The following CSMD3 variants were observed in gnomAD, a reference collection of about 807,000 sequenced individuals.
CSMD3 encodes CUB and Sushi multiple domains 3, also known as CUB and sushi domain-containing protein 3.
In CSMD3, 177 loss-of-function variants were observed where a neutral mutation model predicts 435.2. The observed-to-expected ratio is 0.41, with a 90% CI of 0.36 to 0.46. The LOEUF is 0.46. Ranked by LOEUF, CSMD3 falls within the 20% of genes least tolerant of loss-of-function variation. CSMD3 has a pLI of 0.34. For synonymous variants in CSMD3, 1,656 were observed against 1,520.5 expected (o/e 1.09, Z -2.07); for missense variants, 4,265 against 4,504.6 (o/e 0.95, Z 1.52).
chr8:112,540,372 G>C (rs867609252), intron 27 of CSMD3, among the ~76,000 whole-genome samples: 1 of 151,984 alleles, frequency 6.6e-6, no homozygotes, highest in Non-Finnish European at 1.5e-5. Flanking sequence ...AAATAGTATG[G>C]AGTTTCCCTT....
chr8:112,685,644 G>C lies in CSMD3; in HGVS notation c.2244C>G (p.Ile748Met), dbSNP rs2131805249. Residue 748 changes from isoleucine to methionine, a missense_variant, in exon 15 of 71, where the codon ATC becomes ATG. Coordinates refer to ENST00000297405, the MANE Select transcript of CSMD3 (RefSeq NM_198123.2). ...TCCCTGGATCAGAGATTATCGTCCA[G>C]ATGCAATTTAAATTATTTCCATACC... ...PEGYGNNLNC[I>M]WTIISDPGSR... 6.2e-7 allele frequency: 1 copy of C among 1,613,514 alleles called. No homozygotes were observed. The highest frequency in any genetic ancestry group is 8.5e-7 in the Non-Finnish European group (1 of 1,179,484).
chr8:113,179,589 T>A (rs1465981599), intron 3 of CSMD3, among the ~76,000 whole-genome samples: 1 of 151,828 alleles, frequency 6.6e-6, no homozygotes, highest in African/African-American at 2.4e-5. Flanking sequence ...CATTCTTTTG[T>A]CTATTATTTG....
chr8:113,346,537 A>T (rs1232704577), intron 1 of CSMD3, among the ~76,000 whole-genome samples: 1 of 152,118 alleles, frequency 6.6e-6, no homozygotes, highest in African/African-American at 2.4e-5. Context: ...AAAAAATGGA[A>T]CTTTGTATAT....
chr8:113,392,957 ATGTG>A (rs10562507), intron 1 of CSMD3, among the ~76,000 whole-genome samples: 432 of 20,936 alleles, frequency 0.021, 1 homozygote, highest in East Asian at 0.068. Flanking sequence ...ATATATATAT[ATGTG>A]TGTGTGTGTG....
At chr8:113,314,919 G>C (rs536397033) in intron 1 of CSMD3, 126 bp from the exon 2 acceptor site, 2 of 651,290 alleles carry the variant, frequency 3.1e-6, no homozygotes, top group Admixed American at 5.4e-5. Context: ...ATAAATGGCA[G>C]TTTAAGAGCT....
At chr8:112,619,301 T>C (rs1833888489) in intron 22 of CSMD3, among the ~76,000 whole-genome samples, 3 of 151,840 alleles carry the variant, frequency 2.0e-5, no homozygotes, top group South Asian at 4.2e-4. Flanking sequence ...TATCATACTG[T>C]ACCTCTCCTG....
At chr8:112,601,854 G>A (rs1178041692) in intron 22 of CSMD3, among the ~76,000 whole-genome samples, 8 of 152,030 alleles carry the variant, frequency 5.3e-5, no homozygotes, top group East Asian at 3.9e-4. Context: ...TGCTCTCTAC[G>A]ATGAGTTAAT....
chr8:113,123,924 T>C (rs530867150), intron 4 of CSMD3, among the ~76,000 whole-genome samples: 3 of 152,088 alleles, frequency 2.0e-5, no homozygotes, highest in Admixed American at 6.6e-5. Flanking sequence ...AAAAATCTAC[T>C]AATCTACTAC....
At chr8:112,825,552 T>C (rs989302891) in intron 12 of CSMD3, among the ~76,000 whole-genome samples, 1 of 152,166 alleles carries the variant, frequency 6.6e-6, no homozygotes, top group African/African-American at 2.4e-5. Context: ...TGTTCCTTTC[T>C]GTTTGTTTGT....
chr8:113,414,967 A>T (rs1347327597), intron 1 of CSMD3, among the ~76,000 whole-genome samples: 11 of 152,180 alleles, frequency 7.2e-5, no homozygotes, highest in Non-Finnish European at 1.3e-4. Context: ...ATGTAAAAAA[A>T]CAAAAAACGA....
chr8:112,999,255 G>A (rs965165121), intron 6 of CSMD3, among the ~76,000 whole-genome samples: 1 of 151,934 alleles, frequency 6.6e-6, no homozygotes, highest in Non-Finnish European at 1.5e-5. Flanking sequence ...ATTTTAAATA[G>A]AGTAGTTCGG....
intron 3 of CSMD3, among the ~76,000 whole-genome samples, chr8:113,189,371 T>C (rs1236599506): frequency 2.0e-5 from 3 of 151,790 alleles, no homozygotes; most frequent in Non-Finnish European, 2.9e-5. Flanking sequence ...TGATGTGACC[T>C]ATCCAACTGT....
chr8:112,621,429 C>T (rs1029861822), intron 22 of CSMD3, among the ~76,000 whole-genome samples: 24 of 151,680 alleles, frequency 1.6e-4, no homozygotes, highest in Non-Finnish European at 7.4e-5. Context: ...TTTCATTTCA[C>T]TTCATTTCCT....
chr8:113,310,505 C>A (rs2093859323), intron 2 of CSMD3: 2 of 151,618 alleles, frequency 1.3e-5, no homozygotes, highest in South Asian at 4.2e-4. Flanking sequence ...TTATGTAAAT[C>A]ATCAAGAAAA....
intron 10 of CSMD3, among the ~76,000 whole-genome samples, chr8:112,867,334 T>C (rs1206079939): frequency 6.6e-6 from 1 of 152,154 alleles, no homozygotes; most frequent in Non-Finnish European, 1.5e-5. Context: ...TCATGGCATA[T>C]CATTCCCCTC....
intron 54 of CSMD3, 142 bp from the exon 55 acceptor site, chr8:112,292,852 T>C (rs1013859903): frequency 8.1e-6 from 6 of 737,576 alleles, no homozygotes; most frequent in South Asian, 7.7e-5. Context: ...ATACGGAAAG[T>C]ACATTTACTA....
chr8:113,318,069 A>G (rs1231619138), intron 1 of CSMD3, among the ~76,000 whole-genome samples: 1 of 152,186 alleles, frequency 6.6e-6, no homozygotes, highest in Non-Finnish European at 1.5e-5. Flanking sequence ...CAAAGTATAT[A>G]TCTTTTGTGT....
intron 4 of CSMD3, among the ~76,000 whole-genome samples, chr8:113,170,970 G>A (rs1325895708): frequency 6.6e-6 from 1 of 151,234 alleles, no homozygotes; most frequent in African/African-American, 2.4e-5. Flanking sequence ...AAATACTCTG[G>A]TAGCAGAGTT....
At chr8:112,542,415 T>A (rs1014039058) in intron 27 of CSMD3, among the ~76,000 whole-genome samples, 2 of 150,504 alleles carry the variant, frequency 1.3e-5, no homozygotes, top group Non-Finnish European at 3.0e-5. Flanking sequence ...TAGAAAATCC[T>A]AAAGACTTTA....
Sources: gnomAD v4.1 joint callset for allele counts (sites outside exome capture counted in the v4.1 genomes callset) on GRCh38, gnomAD v4.1.1 for gene constraint, MANE v1.5 for transcripts, NCBI Gene and HGNC (gene_info 2026-07-23, HGNC 2026-07-21) for gene names.